The following RABGAP1L variants were observed in gnomAD, a reference collection of about 807,000 sequenced individuals.
RABGAP1L encodes the protein RAB GTPase activating protein 1 like, also known as rab GTPase-activating protein 1-like.
A neutral mutation model predicts 137.7 loss-of-function variants in RABGAP1L; 63 were observed. The observed-to-expected ratio is 0.46, with a 90% CI of 0.37 to 0.56. The LOEUF is 0.56. Ranked by LOEUF, RABGAP1L falls within the 20% of genes least tolerant of loss-of-function variation. RABGAP1L has a pLI of 0.00. For missense variants in RABGAP1L, 1,095 were observed against 1,244.0 expected (o/e 0.88, Z 1.80); for synonymous variants, 431 against 433.7 (o/e 0.99, Z 0.08).
intron 11 of RABGAP1L, among the ~76,000 whole-genome samples, chr1:174,338,832 A>G (rs1467609431): frequency 1.3e-5 from 2 of 152,210 alleles, no homozygotes; most frequent in South Asian, 2.1e-4. Flanking sequence ...CAGGTTGTCA[A>G]ATTAGGACTC....
intron 15 of RABGAP1L, among the ~76,000 whole-genome samples, chr1:174,699,272 T>C (rs183943553): frequency 1.1e-4 from 17 of 152,266 alleles, no homozygotes; most frequent in Admixed American, 1.0e-3. Context: ...TTTGGTTTTT[T>C]AATCATGAGT....
At chr1:174,394,970 T>C (rs1571597339) in intron 13 of RABGAP1L, among the ~76,000 whole-genome samples, 2 of 121,264 alleles carry the variant, frequency 1.6e-5, no homozygotes, top group East Asian at 6.4e-4. Flanking sequence ...TTAATTTAAC[T>C]TTTTTTTTTT....
chr1:174,538,046 T>C (rs1026974502), intron 13 of RABGAP1L, among the ~76,000 whole-genome samples: 2 of 152,226 alleles, frequency 1.3e-5, no homozygotes, highest in African/African-American at 4.8e-5. Flanking sequence ...GCTTACCTGG[T>C]AATGCTCTCT....
At chr1:174,237,225 A>G (rs1370992544) in intron 4 of RABGAP1L, among the ~76,000 whole-genome samples, 251 of 141,392 alleles carry the variant, frequency 1.8e-3, no homozygotes, top group Middle Eastern at 3.7e-3. Flanking sequence ...TCTTTATCCA[A>G]TTTGCCAGTC....
intron 13 of RABGAP1L, among the ~76,000 whole-genome samples, chr1:174,581,742 T>C (rs1668765843): frequency 6.6e-6 from 1 of 152,204 alleles, no homozygotes; most frequent in Non-Finnish European, 1.5e-5. Flanking sequence ...AAAGATTATT[T>C]ATAATATTTC....
intron 13 of RABGAP1L, among the ~76,000 whole-genome samples, chr1:174,463,706 A>G (rs1350076594): frequency 6.6e-6 from 1 of 152,136 alleles, no homozygotes; most frequent in African/African-American, 2.4e-5. Flanking sequence ...CAACAAAGAT[A>G]TGAAAAAAAT....
chr1:174,973,389 T>C (rs978132086), intron 21 of RABGAP1L, among the ~76,000 whole-genome samples: 3 of 151,140 alleles, frequency 2.0e-5, no homozygotes, highest in Non-Finnish European at 3.0e-5. Flanking sequence ...CATTTCTTTT[T>C]TTTTTTTTTT....
At chr1:174,293,760 T>C (rs1251663946) in intron 10 of RABGAP1L, among the ~76,000 whole-genome samples, 1 of 152,164 alleles carries the variant, frequency 6.6e-6, no homozygotes, top group East Asian at 1.9e-4. Flanking sequence ...GTTTAGTTTA[T>C]TAAACACTTA....
At chr1:174,963,135 A>C (rs1669317362) in intron 20 of RABGAP1L, among the ~76,000 whole-genome samples, 1 of 152,162 alleles carries the variant, frequency 6.6e-6, no homozygotes, top group Non-Finnish European at 1.5e-5. Context: ...CATAGCAAAT[A>C]AACTTACATT....
At position 174,448,333 on chromosome 1, in the gene RABGAP1L, T is replaced by G; in HGVS notation, c.1710+54188T>G. 6.2e-7 allele frequency: 1 copy of G among 1,613,802 alleles called. No homozygotes were observed. Among genetic ancestry groups the G allele is most frequent in the East Asian group, 2.2e-5 (1 of 44,872 alleles). On this transcript the variant is annotated intron_variant, in intron 13 of 25. Coordinates refer to ENST00000681986, the MANE Select transcript of RABGAP1L (RefSeq NM_001366446.1). This position sits in a 1 kb window ranked among gnomAD's most constrained non-coding sequence, Gnocchi z 4.2. ...ATTGTGCTCCACTGTTACATCATTA[T>G]ACTACCAGCTATTTCATTCAGACGA...
intron 19 of RABGAP1L, among the ~76,000 whole-genome samples, chr1:174,890,391 T>C (rs1655926437): frequency 6.6e-6 from 1 of 152,180 alleles, no homozygotes; most frequent in Non-Finnish European, 1.5e-5. Flanking sequence ...ATTTCTTCTC[T>C]CTCTCCCTAC....
intron 13 of RABGAP1L, among the ~76,000 whole-genome samples, chr1:174,608,260 A>G (rs753468302): frequency 6.6e-6 from 1 of 151,982 alleles, no homozygotes; most frequent in South Asian, 2.1e-4. Context: ...TCTTTCTATC[A>G]TATGGATCGT....
At chr1:174,454,248 T>C (rs1488229275) in intron 13 of RABGAP1L, among the ~76,000 whole-genome samples, 4 of 151,412 alleles carry the variant, frequency 2.6e-5, no homozygotes, top group Non-Finnish European at 4.4e-5. Context: ...GGCAACAGAG[T>C]GAGGCTCCAT....
At chr1:174,546,736 A>G (rs1315354643) in intron 13 of RABGAP1L, among the ~76,000 whole-genome samples, 1 of 152,228 alleles carries the variant, frequency 6.6e-6, no homozygotes, top group Non-Finnish European at 1.5e-5. Flanking sequence ...CTTTGCATTA[A>G]GATAAAGCAG....
At chr1:174,471,743 C>A (rs1304417875) in intron 13 of RABGAP1L, among the ~76,000 whole-genome samples, 1 of 152,114 alleles carries the variant, frequency 6.6e-6, no homozygotes, top group Non-Finnish European at 1.5e-5. Flanking sequence ...CTGCAGCGTG[C>A]AGAATTTATT....
intron 19 of RABGAP1L, among the ~76,000 whole-genome samples, chr1:174,857,820 T>G (rs1649572885): frequency 6.6e-6 from 1 of 152,200 alleles, no homozygotes; most frequent in Non-Finnish European, 1.5e-5. Context: ...AGCAAGAACC[T>G]TCTCAAAATA....
intron 13 of RABGAP1L, among the ~76,000 whole-genome samples, chr1:174,541,422 T>G (rs924998968): frequency 6.6e-6 from 1 of 152,160 alleles, no homozygotes. Context: ...ATATTGGCTG[T>G]GGGTTTGTCA....
intron 13 of RABGAP1L, among the ~76,000 whole-genome samples, chr1:174,434,944 T>G (rs750382023): frequency 5.3e-5 from 8 of 152,246 alleles, no homozygotes; most frequent in Non-Finnish European, 1.2e-4. Flanking sequence ...TAATGATGTC[T>G]TTTGCTAAGC....
At chr1:174,524,903 C>A (rs1017788441) in intron 13 of RABGAP1L, among the ~76,000 whole-genome samples, 5 of 151,952 alleles carry the variant, frequency 3.3e-5, no homozygotes, top group African/African-American at 1.2e-4. Flanking sequence ...AGAGTGTGTC[C>A]TTTTCCCAGC....
Sources: allele counts gnomAD v4.1 joint callset (sites outside exome capture counted in the v4.1 genomes callset), GRCh38; gene constraint gnomAD v4.1.1; non-coding constraint Gnocchi (gnomAD v3.1); transcripts MANE v1.5; gene names NCBI Gene and HGNC (gene_info 2026-07-23, HGNC 2026-07-21).